STS: variants seen among roughly 807,000 people sequenced by gnomAD.
The protein encoded by STS is steroid sulfatase, also known as steryl-sulfatase.
STS carries 7 observed loss-of-function variants against 26.8 expected under a neutral mutation model. That is an observed-to-expected ratio of 0.26 (90% confidence interval 0.15 to 0.49). The LOEUF is 0.49. STS is among the 20% of genes least tolerant of loss of function. The pLI is 0.98. For missense variants in STS, 434 were observed against 465.6 expected, an observed-to-expected ratio of 0.93 and a Z score of 0.63; for synonymous variants, 199 against 189.4, an observed-to-expected ratio of 1.05 and a Z score of -0.42.
At chrX:7,256,267 A>G (rs1392791915) in intron 3 of STS, among the ~76,000 whole-genome samples, 1 of 112,205 alleles carries the variant, frequency 8.9e-6, no homozygotes, top group Admixed American at 9.5e-5. Context: ...ATGTTCAGCC[A>G]ATCCATTCAT....
At chrX:7,319,291 G>T (rs1284788377) in intron 8 of STS, among the ~76,000 whole-genome samples, 1 of 110,475 alleles carries the variant, frequency 9.1e-6, no homozygotes, top group East Asian at 2.9e-4. Flanking sequence ...GGGACTACAG[G>T]TGTGTGCCAC....
intron 1 of STS, among the ~76,000 whole-genome samples, chrX:7,165,001 G>A (rs953919529): frequency 4.1e-4 from 45 of 110,487 alleles, no homozygotes; most frequent in African/African-American, 1.4e-3. Flanking sequence ...ACTCTAGCCT[G>A]GGCAACAGAG....
intron 8 of STS, among the ~76,000 whole-genome samples, chrX:7,320,072 A>G (rs1357125229): frequency 8.6e-5 from 8 of 93,233 alleles, no homozygotes; most frequent in Admixed American, 2.7e-4. Flanking sequence ...TATTTTATAT[A>G]TATTTTATAT....
At chrX:7,244,410 A>C (rs1268261426) in intron 2 of STS, among the ~76,000 whole-genome samples, 1 of 112,004 alleles carries the variant, frequency 8.9e-6, no homozygotes, top group Non-Finnish European at 1.9e-5. Flanking sequence ...TTGTGGGTGC[A>C]AATGAGAAAT....
At chrX:7,186,308 T>A (rs1222973646) in intron 1 of STS, among the ~76,000 whole-genome samples, 1 of 111,563 alleles carries the variant, frequency 9.0e-6, no homozygotes, top group African/African-American at 3.3e-5. Flanking sequence ...GGAAAAGGAG[T>A]TAATGAACCA....
chrX:7,201,605 C>A (rs1451596130), intron 2 of STS, among the ~76,000 whole-genome samples: 1 of 109,504 alleles, frequency 9.1e-6, no homozygotes, highest in Non-Finnish European at 1.9e-5. Flanking sequence ...GAGGTATGTT[C>A]TTTCATCACA....
In STS at chrX:7,315,383, TA is replaced by T. The variant is rs754301252; in HGVS notation, c.1082-9955del. ...AATGAAATCGGAGAGGCTTGTTATCTAGGCTTTTAAGGAGCTTTGTAAATGA... is the reference window on the plus strand; with the variant it reads ...AATGAAATCGGAGAGGCTTGTTATCTGGCTTTTAAGGAGCTTTGTAAATGA... On this transcript the variant is annotated intron_variant, in intron 8 of 10. Transcript: ENST00000674429. 2.3e-4 allele frequency among the ~76,000 whole-genome samples: 26 copies of T among 112,101 alleles called. 1 individual carries two copies. The highest frequency in any genetic ancestry group is 1.9e-3 in the Admixed American group (20 of 10,540).
chrX:7,298,313 A>G (rs1177522341), intron 7 of STS, among the ~76,000 whole-genome samples: 2 of 111,704 alleles, frequency 1.8e-5, no homozygotes, highest in African/African-American at 3.3e-5. Context: ...TTGATTTTAT[A>G]CTGTAGATAA....
At chrX:7,324,705 T>C (rs1166923628) in intron 8 of STS, among the ~76,000 whole-genome samples, 2 of 111,452 alleles carry the variant, frequency 1.8e-5, no homozygotes, top group African/African-American at 6.5e-5. Context: ...AATCCCCTGT[T>C]TCCATCATGG....
intron 9 of STS, among the ~76,000 whole-genome samples, chrX:7,328,245 CATA>C (rs1309075536): frequency 8.9e-6 from 1 of 111,876 alleles, no homozygotes; most frequent in Non-Finnish European, 1.9e-5. Context: ...TCTTCACTTT[CATA>C]ATATCTTGGA....
chrX:7,281,356 T>A (rs1372797992), intron 7 of STS, among the ~76,000 whole-genome samples: 1 of 111,860 alleles, frequency 8.9e-6, no homozygotes, highest in Non-Finnish European at 1.9e-5. Flanking sequence ...TGGCATCCCC[T>A]GTTGGCTGAG....
chrX:7,284,303 G>A (rs935949600), intron 7 of STS, among the ~76,000 whole-genome samples: 1 of 111,669 alleles, frequency 9.0e-6, no homozygotes, highest in Admixed American at 9.5e-5. Flanking sequence ...GAGTCAGGGA[G>A]GTGGTCCATG....
At chrX:7,203,488 C>T (rs2099954556) in intron 2 of STS, among the ~76,000 whole-genome samples, 1 of 111,462 alleles carries the variant, frequency 9.0e-6, no homozygotes, top group African/African-American at 3.3e-5. Context: ...CTTTTTATTC[C>T]CACTAGTAAA....
chrX:7,306,446 T>C (rs190326027), intron 8 of STS, among the ~76,000 whole-genome samples: 143 of 111,517 alleles, frequency 1.3e-3, no homozygotes, highest in Middle Eastern at 4.6e-3. Flanking sequence ...AAGGATGATA[T>C]AGGGAATGCT....
Position 7,301,104 on chromosome X carries a change from G to T in STS, c.944-3942G>T, listed in dbSNP as rs1925942772. On this transcript the variant is annotated intron_variant, in intron 7 of 10. Coordinates refer to ENST00000674429, the MANE Select transcript of STS (RefSeq NM_001320752.2). ...TGAATGAATGCATGAGGAAGTCTAGGAGTCAAAACTGCATTTGAAAGGCAT... is the reference window on the plus strand; with the variant it reads ...TGAATGAATGCATGAGGAAGTCTAGTAGTCAAAACTGCATTTGAAAGGCAT... Among the ~76,000 whole-genome samples, 4 of 110,814 alleles carry T rather than the reference G, an allele frequency of 3.6e-5. No individual in the cohort carries two copies. In the Admixed American group the frequency reaches 3.9e-4, roughly 11 times the overall value.
intron 2 of STS, among the ~76,000 whole-genome samples, chrX:7,226,759 G>A (rs1921824004): frequency 1.0e-5 from 1 of 99,162 alleles, no homozygotes; most frequent in Non-Finnish European, 2.0e-5. Flanking sequence ...CAGGGTGGTG[G>A]CTAATTTGCC....
At chrX:7,225,042 G>A (rs1240030977) in intron 2 of STS, among the ~76,000 whole-genome samples, 2 of 112,109 alleles carry the variant, frequency 1.8e-5, no homozygotes, top group East Asian at 2.8e-4. Flanking sequence ...TTGGGAAGCC[G>A]ATTAAACTTT....
rs754784344 is a variant in STS, at chrX:7,240,076, C to T, written c.-4-13120C>T. Reference sequence around the variant, plus strand: ...ATTTTTTGTACTTTTAGTAGAGACACGGTTTCACCATGTTGACCAGGCTGG... The same window carrying T: ...ATTTTTTGTACTTTTAGTAGAGACATGGTTTCACCATGTTGACCAGGCTGG... On this transcript the variant is annotated intron_variant, in intron 2 of 10. Transcript: ENST00000674429. Among the ~76,000 whole-genome samples the T allele has an allele frequency of 1.4e-4, 15 of 109,277 alleles. No individual in the cohort carries two copies. The East Asian group carries it at 3.2e-3, about 23-fold the overall frequency. 94.9% of individuals were successfully genotyped at this position (109,277 alleles called of 115,157 possible). A position where few individuals can be genotyped will look rare whatever the true frequency, so the allele number is the denominator to read the frequency against.
chrX:7,155,647 T>C (rs779092257), intron 1 of STS, among the ~76,000 whole-genome samples: 14 of 111,955 alleles, frequency 1.3e-4, no homozygotes, highest in African/African-American at 4.5e-4. Flanking sequence ...ATGTTAAATA[T>C]TATATTACAA....
Sources: gnomAD v4.1 joint callset for allele counts (sites outside exome capture counted in the v4.1 genomes callset) on GRCh38, gnomAD v4.1.1 for gene constraint, MANE v1.5 for transcripts, NCBI Gene and HGNC (gene_info 2026-07-23, HGNC 2026-07-21) for gene names.